Variants in CAMK2G observed in about 807,000 individuals in gnomAD.
CAMK2G encodes calcium/calmodulin-dependent protein kinase type II subunit gamma.
CAMK2G carries 23 observed loss-of-function variants against 88.7 expected under a neutral mutation model. That is an observed-to-expected ratio of 0.26 (90% CI 0.19 to 0.37). The LOEUF (loss-of-function observed/expected upper bound fraction) is 0.37, where lower values mean the gene tolerates loss of function less well. Ranked by LOEUF, CAMK2G falls within the 10% of genes least tolerant of loss-of-function variation. The pLI is 1.00. For missense variants in CAMK2G, 476 were observed against 780.8 expected, an observed-to-expected ratio of 0.61 and a Z score of 4.65; for synonymous variants, 263 against 294.8, an observed-to-expected ratio of 0.89 and a Z score of 1.11.
At chr10:73,815,622 T>G (rs532337315) in intron 21 of CAMK2G, among the ~76,000 whole-genome samples, 1 of 152,220 alleles carries the variant, frequency 6.6e-6, no homozygotes, top group African/African-American at 2.4e-5. Context: ...CTCAGGACCA[T>G]GTGACTCTTA....
intron 2 of CAMK2G, among the ~76,000 whole-genome samples, chr10:73,869,276 G>A (rs984854813): frequency 2.0e-5 from 3 of 152,168 alleles, no homozygotes; most frequent in African/African-American, 4.8e-5. Context: ...TGATCCTTAC[G>A]CACACTAAAA....
chr10:73,844,257 A>T (rs1160400102), intron 10 of CAMK2G, among the ~76,000 whole-genome samples: 1 of 150,934 alleles, frequency 6.6e-6, no homozygotes, highest in Non-Finnish European at 1.5e-5. Flanking sequence ...GCTAATTTTT[A>T]AAGTTTTTTT....
chr10:73,826,032 T>C (rs927363435), intron 15 of CAMK2G, among the ~76,000 whole-genome samples: 19 of 152,262 alleles, frequency 1.2e-4, no homozygotes, highest in African/African-American at 4.6e-4. Flanking sequence ...CCAGCGGGGC[T>C]GTAGCTGTAG....
At chr10:73,815,304 C>T in intron 21 of CAMK2G, 57 bp from the exon 22 acceptor site, 2 of 1,143,272 alleles carry the variant, frequency 1.7e-6, no homozygotes, top group Non-Finnish European at 2.6e-6. Flanking sequence ...CTGCATTTTC[C>T]TCCCAGCCTG....
At chr10:73,869,950 G>A (rs1055053615) in intron 2 of CAMK2G, among the ~76,000 whole-genome samples, 3 of 152,162 alleles carry the variant, frequency 2.0e-5, no homozygotes, top group Non-Finnish European at 4.4e-5. Flanking sequence ...AATCCTAAAC[G>A]ACGTAGAAGA....
At position 73,815,026 on chromosome 10, in the gene CAMK2G, G is replaced by A; in HGVS notation, c.1756C>T (p.Pro586Ser). Residue 586 changes from proline to serine, a missense_variant, in exon 22 of 23, where the codon CCG (proline) becomes TCG (serine). By Grantham distance (74) the Pro-to-Ser change is moderately conservative. Coordinates refer to ENST00000423381, the MANE Select transcript of CAMK2G (RefSeq NM_001367534.1). ...HYHCSGAPAA[P>S]LQ Reference sequence around the variant, plus strand: ...ACCTGTGGCTGAGCTCACTGCAGCGGTGCGGCAGGGGCCCCTGAGCAGTGA... The same window carrying A: ...ACCTGTGGCTGAGCTCACTGCAGCGATGCGGCAGGGGCCCCTGAGCAGTGA... 1 of 1,612,538 alleles carries A rather than the reference G, an allele frequency of 6.2e-7. No individual in the cohort carries two copies. Among genetic ancestry groups the A allele is most frequent in the Non-Finnish European group, 8.5e-7 (1 of 1,178,966 alleles).
rs887645954 is a variant in CAMK2G, at chr10:73,839,584, C to T, written c.964G>A (p.Ala322Thr). The T allele has an allele frequency of 1.1e-5, 14 of 1,233,362 alleles. No homozygotes were observed. Among genetic ancestry groups the T allele is most frequent in the South Asian group, 4.1e-5 (1 of 24,494 alleles). 76.4% of individuals were successfully genotyped at this position (1,233,362 alleles called of 1,614,324 possible). The change falls in exon 13 of 23, where the codon GCC (alanine) becomes ACC (threonine). Residue 322 changes from alanine to threonine, a missense_variant. Physicochemically the swap from Ala to Thr is moderately conservative, Grantham distance 58. Coordinates refer to ENST00000423381, the MANE Select transcript of CAMK2G (RefSeq NM_001367534.1). The surrounding 1 kb of genome is among the most constrained non-coding windows in gnomAD (Gnocchi z 4.2). ...RNFSVGRQSS[A>T]PASPAASAAG... ...GCGCTCGCGGCAGGCGAGGCGGGGGCGGAGCTCTGCCTGCCAACTGAGGGG... is the reference window on the plus strand; with the variant it reads ...GCGCTCGCGGCAGGCGAGGCGGGGGTGGAGCTCTGCCTGCCAACTGAGGGG...
rs751700014 is a variant in CAMK2G, at chr10:73,815,154, C to T, written c.1628G>A (p.Arg543His). The change falls in exon 22 of 23, where the codon CGC becomes CAC. Residue 543 changes from arginine (R) to histidine (H), a missense_variant. Coordinates refer to ENST00000423381, the MANE Select transcript of CAMK2G (RefSeq NM_001367534.1). ...GEDAACIAYI[R>H]LTQYIDGQGR... ...CTGCCCGTCGATGTACTGGGTGAGGCGGATGTAGGCGATGCACGCTGCGTC... is the reference window on the plus strand; with the variant it reads ...CTGCCCGTCGATGTACTGGGTGAGGTGGATGTAGGCGATGCACGCTGCGTC... 1 of 1,614,188 alleles carries T rather than the reference C, an allele frequency of 6.2e-7. No homozygotes were observed. The highest frequency in any genetic ancestry group is 8.5e-7 in the Non-Finnish European group (1 of 1,179,998).
Position 73,819,569 on chromosome 10 carries a change from T to C in CAMK2G, c.1326A>G (p.Ala442=). The C allele has an allele frequency of 6.5e-7, 1 of 1,549,548 alleles. No individual in the cohort carries two copies. The highest frequency in any genetic ancestry group is 8.7e-7 in the Non-Finnish European group (1 of 1,146,870). The change falls in exon 19 of 23, where the codon GCA becomes GCG. Residue 442 remains alanine, a synonymous_variant. Coordinates refer to ENST00000423381, the MANE Select transcript of CAMK2G (RefSeq NM_001367534.1). ...AGAGAGAAGGCTGGGGCTGCATGCC[T>C]GCAGAGGGGGCTGTTCTGTCCCGGG... ...RSSRDRTAPS[A]GMQPQPSLCS...
At position 73,817,127 on chromosome 10, in the gene CAMK2G, GA is replaced by G. The variant is rs751571445; in HGVS notation, c.1440-11del. Reference sequence around the variant, plus strand: ...TGGATCACAAATCTTCCTACAGGGAGAAAAAAAAAAGCAGCCTATCAGGCTT... The same window carrying G: ...TGGATCACAAATCTTCCTACAGGGAGAAAAAAAAAGCAGCCTATCAGGCTT... On this transcript the variant is annotated splice_polypyrimidine_tract_variant and intron_variant, in intron 20 of 22. Coordinates refer to ENST00000423381, the MANE Select transcript of CAMK2G (RefSeq NM_001367534.1). 737 of 1,400,206 alleles carry G rather than the reference GA, an allele frequency of 5.3e-4. No individual in the cohort carries two copies. Among genetic ancestry groups the G allele is most frequent in the Admixed American group, 1.7e-3 (77 of 45,952 alleles). The allele number at this position is 1,400,206 out of a possible 1,614,324, so 86.7% of individuals were successfully genotyped here. A position where few individuals can be genotyped will look rare whatever the true frequency, so the allele number is the denominator to read the frequency against.
At chr10:73,840,845 C>T (rs1315806338) in intron 12 of CAMK2G, among the ~76,000 whole-genome samples, 1 of 152,340 alleles carries the variant, frequency 6.6e-6, no homozygotes, top group East Asian at 1.9e-4. Context: ...TGGAAAGGCT[C>T]GTAGACCCAA....
chr10:73,828,833 A>G (rs2091792538), intron 14 of CAMK2G, among the ~76,000 whole-genome samples: 2 of 152,246 alleles, frequency 1.3e-5, no homozygotes, highest in South Asian at 4.1e-4. Context: ...GAATGTTGAA[A>G]GCAGTGATTC....
At position 73,832,243 on chromosome 10, in the gene CAMK2G, T is replaced by C. The variant is rs1250448364; in HGVS notation, c.1054-4122A>G. ...CAGTCCCTTTTTTATCCACATATTA[T>C]ATACTGAATAAATATCTACAAACAC... On this transcript the variant is annotated intron_variant, in intron 14 of 22. Coordinates refer to ENST00000423381, the MANE Select transcript of CAMK2G (RefSeq NM_001367534.1). Among the ~76,000 whole-genome samples, 3 of 152,202 alleles carry C rather than the reference T, an allele frequency of 2.0e-5. No individual in the cohort carries two copies. In the East Asian group the frequency reaches 5.8e-4, roughly 29 times the overall value.
intron 14 of CAMK2G, among the ~76,000 whole-genome samples, chr10:73,830,208 C>T (rs1469637681): frequency 1.3e-5 from 2 of 152,176 alleles, no homozygotes; most frequent in Non-Finnish European, 2.9e-5. Context: ...CAGGGATTTG[C>T]CCTTAGCCAT....
At chr10:73,828,688 T>C (rs2091755678) in intron 14 of CAMK2G, among the ~76,000 whole-genome samples, 1 of 152,224 alleles carries the variant, frequency 6.6e-6, no homozygotes, top group African/African-American at 2.4e-5. Context: ...TGGCCTTCCT[T>C]TGTCAGTATA....
chr10:73,818,559 C>T (rs965715660), intron 19 of CAMK2G: 4 of 393,648 alleles, frequency 1.0e-5, no homozygotes, highest in African/African-American at 4.1e-5. Flanking sequence ...AGCACCACCA[C>T]GGCCCAGCCG....
chr10:73,825,327 GT>G lies in CAMK2G; in HGVS notation c.1106del (p.Asn369ThrfsTer4). ...VHLMPQSNNK[N>X]SLVSPAQEPA... ...GCTCTTGGGCTGGGCTTACGAGACT[GT>G]TTTTGTTGTTGCTCTGTGGCTGAGA... On this transcript the variant is annotated frameshift_variant, in exon 16 of 23. Coordinates refer to ENST00000423381, the MANE Select transcript of CAMK2G (RefSeq NM_001367534.1). LOFTEE classifies it high-confidence loss of function. 1 of 1,613,952 alleles carries G rather than the reference GT, an allele frequency of 6.2e-7. No individual in the cohort carries two copies. Among genetic ancestry groups the G allele is most frequent in the Non-Finnish European group, 8.5e-7 (1 of 1,179,798 alleles).
intron 3 of CAMK2G, among the ~76,000 whole-genome samples, chr10:73,854,441 T>C (rs917358499): frequency 6.6e-6 from 1 of 152,242 alleles, no homozygotes; most frequent in African/African-American, 2.4e-5. Context: ...GACTCCGCTT[T>C]GGCTGACTGT....
In CAMK2G at chr10:73,839,270, G is replaced by C. The variant is rs2093547617; in HGVS notation, c.1009+269C>G. Among the ~76,000 whole-genome samples the C allele has an allele frequency of 6.6e-6, 1 of 152,228 alleles. No homozygotes were observed. Among genetic ancestry groups the C allele is most frequent in the Admixed American group, 6.5e-5 (1 of 15,284 alleles). On this transcript the variant is annotated intron_variant, in intron 13 of 22. Transcript: ENST00000423381. This position sits in a 1 kb window ranked among gnomAD's most constrained non-coding sequence, Gnocchi z 4.2. ...GGCTGCAGCCCTCCCAGGGCATCGGGCTCTTGGCAAGGCTCCCGCTGCCCA... is the reference window on the plus strand; with the variant it reads ...GGCTGCAGCCCTCCCAGGGCATCGGCCTCTTGGCAAGGCTCCCGCTGCCCA...
Sources: gnomAD v4.1 joint callset for allele counts (sites outside exome capture counted in the v4.1 genomes callset) on GRCh38, gnomAD v4.1.1 for gene constraint, Gnocchi (gnomAD v3.1) non-coding constraint, MANE v1.5 for transcripts, NCBI Gene and HGNC (gene_info 2026-07-23, HGNC 2026-07-21) for gene names.